The following PCTP variants were observed in gnomAD, a reference collection of about 807,000 sequenced individuals.
PCTP encodes the protein phosphatidylcholine transfer protein.
In PCTP, 27 loss-of-function variants were observed where a neutral mutation model predicts 31.0. That is an observed-to-expected ratio of 0.87 (90% CI 0.64 to 1.20). The LOEUF (loss-of-function observed/expected upper bound fraction) is 1.20, where lower values mean the gene tolerates loss of function less well. Ranked by LOEUF, PCTP falls within the 50% of genes most tolerant of loss-of-function variation. The pLI is 0.00. For missense variants in PCTP, 287 were observed against 268.2 expected (o/e 1.07, Z -0.49); for synonymous variants, 108 against 101.2 (o/e 1.07, Z -0.40).
chr17:55,758,390 G>C (rs1268347485), intron 1 of PCTP, among the ~76,000 whole-genome samples: 1 of 152,150 alleles, frequency 6.6e-6, no homozygotes, highest in Non-Finnish European at 1.5e-5. Context: ...GGCAGGCTGG[G>C]CTGAGAGAAA....
At chr17:55,831,138 C>T (rs1224371686) in intron 5 of PCTP, among the ~76,000 whole-genome samples, 2 of 152,100 alleles carry the variant, frequency 1.3e-5, no homozygotes, top group East Asian at 3.9e-4. Context: ...TCTTCTCCTC[C>T]CACTTTCCCT....
intron 3 of PCTP, among the ~76,000 whole-genome samples, chr17:55,772,041 A>G (rs949551883): frequency 6.6e-6 from 1 of 152,240 alleles, no homozygotes; most frequent in Admixed American, 6.5e-5. Context: ...GCCAAATTTT[A>G]ATCACTATAT....
chr17:55,849,436 A>G, the PCTP span, among the ~76,000 whole-genome samples: 1 of 152,188 alleles, frequency 6.6e-6, no homozygotes. Flanking sequence ...AAGTCTGGCC[A>G]ACATGGTGAA....
chr17:55,800,869 A>C (rs1277887171), intron 3 of PCTP, among the ~76,000 whole-genome samples: 1 of 151,872 alleles, frequency 6.6e-6, no homozygotes, highest in Non-Finnish European at 1.5e-5. Context: ...TTTTCCTTCT[A>C]ACAGTCTGGG....
intron 4 of PCTP, 47 bp downstream of exon 4, chr17:55,773,942 C>T (rs774233643): frequency 3.9e-6 from 6 of 1,531,608 alleles, no homozygotes; most frequent in Admixed American, 1.9e-5. Context: ...GGGTCCCCCA[C>T]GGGAGGGCCA....
At chr17:55,793,050 C>T (rs1034825698) in intron 3 of PCTP, among the ~76,000 whole-genome samples, 8 of 152,224 alleles carry the variant, frequency 5.3e-5, no homozygotes, top group African/African-American at 1.2e-4. Flanking sequence ...TTGCAGATCA[C>T]CTATTTTAGA....
At chr17:55,768,928 A>G (rs542432528) in intron 2 of PCTP, 21 of 152,366 alleles carry the variant, frequency 1.4e-4, no homozygotes, top group Non-Finnish European at 1.3e-4. Flanking sequence ...GTTGCAAGTA[A>G]CAGAAAGCCA....
intron 3 of PCTP, among the ~76,000 whole-genome samples, chr17:55,803,062 A>C (rs1912442980): frequency 6.6e-6 from 1 of 152,202 alleles, no homozygotes; most frequent in African/African-American, 2.4e-5. Flanking sequence ...CTGTACAACA[A>C]TAATAGACAA....
intron 3 of PCTP, among the ~76,000 whole-genome samples, chr17:55,815,163 A>T (rs9914028): frequency 0.048 from 7,285 of 152,276 alleles, 553 homozygotes; most frequent in African/African-American, 0.16. Flanking sequence ...AATATTTAAG[A>T]TATTTAAATT....
At chr17:55,778,569 A>G (rs1597992307), downstream of PCTP, among the ~76,000 whole-genome samples, 1 of 151,550 alleles carries the variant, frequency 6.6e-6, no homozygotes, top group Non-Finnish European at 1.5e-5. Flanking sequence ...CTCAATCCCC[A>G]TGGATTCAAG....
intron 1 of PCTP, among the ~76,000 whole-genome samples, chr17:55,757,394 TCAA>T (rs1344531569): frequency 1.1e-4 from 17 of 151,252 alleles, no homozygotes; most frequent in Admixed American, 3.3e-4. Context: ...TTCAATCGTC[TCAA>T]CAACTCTGAA....
At chr17:55,821,252 CATT>C (rs1913104503) in intron 3 of PCTP, among the ~76,000 whole-genome samples, 1 of 152,136 alleles carries the variant, frequency 6.6e-6, no homozygotes, top group Admixed American at 6.5e-5. Flanking sequence ...ACTTTGAAAA[CATT>C]ATGTCAAATG....
exon 4 of PCTP, chr17:55,822,895 T>A: frequency 1.9e-6 from 2 of 1,078,212 alleles, no homozygotes; most frequent in South Asian, 4.7e-5. Flanking sequence ...GAAAAGAAGC[T>A]GAGTCTTTGT....
chr17:55,773,727 G>A lies in PCTP; in HGVS notation c.343G>A (p.Val115Ile), dbSNP rs1359700507. Residue 115 changes from valine (V) to isoleucine (I), a missense_variant, in exon 4 of 6, where the codon GTC becomes ATC. By Grantham distance (29) the Val-to-Ile change is conservative. Coordinates refer to ENST00000268896, the MANE Select transcript of PCTP (RefSeq NM_021213.4). ...YPFPMSNRDY[V>I]YLRQRRDLDM... ...CTTGCCTTAACTGGCTATGCAGTAT[G>A]TCTACCTTCGGCAGCGGCGAGACCT... 3 of 1,610,574 alleles carry A rather than the reference G, an allele frequency of 1.9e-6. No homozygotes were observed. The South Asian group carries it at 3.3e-5, about 18-fold the overall frequency.
the PCTP span, among the ~76,000 whole-genome samples, chr17:55,848,634 A>G: frequency 1.3e-5 from 2 of 152,186 alleles, no homozygotes; most frequent in Non-Finnish European, 2.9e-5. Context: ...GAAAGAACTT[A>G]TTCACTCTCA....
intron 1 of PCTP, among the ~76,000 whole-genome samples, chr17:55,751,774 G>A (rs2144894879): frequency 6.6e-6 from 1 of 152,282 alleles, no homozygotes; most frequent in South Asian, 2.1e-4. Context: ...CTTCCAAGTT[G>A]CTCTTAATAA....
At chr17:55,761,103 T>C (rs938947767) in intron 1 of PCTP, among the ~76,000 whole-genome samples, 1 of 152,206 alleles carries the variant, frequency 6.6e-6, no homozygotes, top group Admixed American at 6.5e-5. Context: ...CTGTCTGTCC[T>C]GTTACTAGCT....
intron 5 of PCTP, among the ~76,000 whole-genome samples, chr17:55,834,355 T>TTC (rs1905707642): frequency 6.8e-6 from 1 of 147,372 alleles, no homozygotes; most frequent in Admixed American, 6.8e-5. Context: ...TCCCTCTCCC[T>TTC]GCTCCACCCC....
chr17:55,777,455 T>C, downstream of PCTP: 1 of 913,824 alleles, frequency 1.1e-6, no homozygotes, highest in Non-Finnish European at 1.3e-6. Context: ...TTGCAAGTGA[T>C]ATTCAGCCTA....
Sources: allele counts gnomAD v4.1 joint callset (sites outside exome capture counted in the v4.1 genomes callset), GRCh38; gene constraint gnomAD v4.1.1; transcripts MANE v1.5; gene names NCBI Gene and HGNC (gene_info 2026-07-23, HGNC 2026-07-21).